TRPM1: variants seen among roughly 807,000 people sequenced by gnomAD.
The protein encoded by TRPM1 is TRPM1-203 APA Isoform, Intron 10.
In TRPM1, 113 loss-of-function variants were observed where a neutral mutation model predicts 149.4. The ratio of observed to expected loss-of-function variants is 0.76; its 90% CI spans 0.65 to 0.88. The LOEUF (loss-of-function observed/expected upper bound fraction) is 0.88. TRPM1 is among the 40% of genes least tolerant of loss of function. The probability of loss-of-function intolerance (pLI) is 0.00; values close to 1 mark genes in which losing one functional copy is unlikely to be tolerated. For synonymous variants in TRPM1, 741 were observed against 759.5 expected (o/e 0.98, Z 0.40); for missense variants, 1,976 against 2,038.7 (o/e 0.97, Z 0.59).
intron 2 of TRPM1, among the ~76,000 whole-genome samples, chr15:31,078,366 G>A (rs903317060): frequency 4.6e-5 from 7 of 152,198 alleles, no homozygotes; most frequent in African/African-American, 1.7e-4. Context: ...CCCAGCCCTA[G>A]TCCCAGCTGT....
chr15:31,031,274 A>C, intron 22 of TRPM1, 117 bp from the exon 23 acceptor site: 1 of 1,139,026 alleles, frequency 8.8e-7, no homozygotes, highest in Non-Finnish European at 1.3e-6. Flanking sequence ...AGGACGAAGA[A>C]AGCCTCTTTC....
chr15:31,113,990 G>A (rs113047069), intron 1 of TRPM1, among the ~76,000 whole-genome samples: 2 of 152,180 alleles, frequency 1.3e-5, no homozygotes, highest in Middle Eastern at 3.4e-3. Context: ...ATTTTACAGA[G>A]TGCTGATTGG....
At chr15:31,096,369 C>A (rs1285727889) in intron 1 of TRPM1, among the ~76,000 whole-genome samples, 2 of 152,172 alleles carry the variant, frequency 1.3e-5, no homozygotes, top group Admixed American at 1.3e-4. Flanking sequence ...AAAGAATAAA[C>A]AAAAACAGGA....
chr15:31,016,469 A>G (rs1459147490), intron 27 of TRPM1, among the ~76,000 whole-genome samples: 1 of 152,194 alleles, frequency 6.6e-6, no homozygotes, highest in African/African-American at 2.4e-5. Context: ...TGTAGATGCT[A>G]TAAATAGCTC....
chr15:31,077,843 G>A (rs990656847), intron 2 of TRPM1, among the ~76,000 whole-genome samples: 1 of 151,972 alleles, frequency 6.6e-6, no homozygotes, highest in Non-Finnish European at 1.5e-5. Flanking sequence ...GTATGTGAGT[G>A]GGTGTGTGCG....
chr15:31,060,295 T>C, intron 11 of TRPM1: 1 of 572,936 alleles, frequency 1.7e-6, no homozygotes, highest in Non-Finnish European at 3.1e-6. Flanking sequence ...AAAAACCCAC[T>C]TTCATCAGCA....
At chr15:31,064,116 G>T (rs1048412983) in intron 7 of TRPM1, among the ~76,000 whole-genome samples, 7 of 152,200 alleles carry the variant, frequency 4.6e-5, no homozygotes, top group African/African-American at 1.7e-4. Context: ...TTTGTAAAAG[G>T]TGAACAATCA....
Position 31,002,794 on chromosome 15 carries a change from T to C in TRPM1, c.3906A>G (p.Glu1302=). The C allele has an allele frequency of 6.2e-7, 1 of 1,614,232 alleles. No homozygotes were observed. Among genetic ancestry groups the C allele is most frequent in the Non-Finnish European group, 8.5e-7 (1 of 1,180,038 alleles). The change falls in exon 28 of 28, where the codon GAA becomes GAG. Residue 1302 remains glutamate (E), a synonymous_variant. Coordinates refer to ENST00000256552, the MANE Select transcript of TRPM1 (RefSeq NM_001252024.2). ...YSLYRYHFNG[E]ELLFEDTSLS... ...GAGATGTATCCTCAAATAATAACTC[T>C]TCTCCGTTAAAATGATATCGATACA...
chr15:31,072,895 C>T (rs749426269), intron 3 of TRPM1, among the ~76,000 whole-genome samples: 1 of 152,008 alleles, frequency 6.6e-6, no homozygotes, highest in Non-Finnish European at 1.5e-5. Context: ...TATTGGATCT[C>T]TTTCCGTATT....
Position 31,042,079 on chromosome 15 carries a change from G to C in TRPM1, c.1959C>G (p.Leu653=). The change falls in exon 17 of 28, where the codon CTC becomes CTG. Residue 653 remains leucine (L), a synonymous_variant. Coordinates refer to ENST00000256552, the MANE Select transcript of TRPM1 (RefSeq NM_001252024.2). ...CCATGCTCTCTTCCCCTCGCTGCCA[G>C]AGGAACACTGCCATTTTCTGGCGTT... is the stretch of plus-strand genomic sequence containing the variant. The part of the protein sequence containing the change: ...LMKRQKMAVF[L]WQRGEESMAK... 1 of 1,614,240 alleles carries C rather than the reference G, an allele frequency of 6.2e-7. No individual in the cohort carries two copies. The highest frequency in any genetic ancestry group is 8.5e-7 in the Non-Finnish European group (1 of 1,180,044).
At chr15:31,018,120 C>T (rs901740189) in intron 27 of TRPM1, among the ~76,000 whole-genome samples, 8 of 151,962 alleles carry the variant, frequency 5.3e-5, no homozygotes, top group African/African-American at 1.7e-4. Context: ...GGTGCGACCT[C>T]GGCTCACTGC....
chr15:31,088,250 C>G (rs1242977947), intron 1 of TRPM1, among the ~76,000 whole-genome samples: 1 of 152,338 alleles, frequency 6.6e-6, no homozygotes, highest in East Asian at 1.9e-4. Context: ...TAAAATGGAC[C>G]AATCAGCAGG....
At chr15:31,068,632 T>C (rs890804645) in intron 4 of TRPM1, among the ~76,000 whole-genome samples, 5 of 150,238 alleles carry the variant, frequency 3.3e-5, no homozygotes, top group African/African-American at 1.2e-4. Context: ...TAATCTCAGC[T>C]ACTTCAGAAG....
chr15:31,089,066 CATTT>C (rs972315845), intron 1 of TRPM1, among the ~76,000 whole-genome samples: 1 of 152,172 alleles, frequency 6.6e-6, no homozygotes, highest in Admixed American at 6.5e-5. Flanking sequence ...GGATAAGTAA[CATTT>C]AATGCCATAT....
At chr15:31,071,978 A>AAATAT (rs1567034341) in intron 3 of TRPM1, among the ~76,000 whole-genome samples, 1 of 62,388 alleles carries the variant, frequency 1.6e-5, no homozygotes, top group Non-Finnish European at 2.9e-5. Context: ...AAAAAAAAAA[A>AAATAT]ACATATATAT....
intron 20 of TRPM1, among the ~76,000 whole-genome samples, chr15:31,036,354 C>T (rs1391859319): frequency 2.6e-5 from 4 of 152,250 alleles, no homozygotes; most frequent in African/African-American, 9.6e-5. Flanking sequence ...CTTCTGGGTC[C>T]CTCACTGGCA....
rs749062439 is a variant in TRPM1 at position 31,158,626 on chromosome 15, C to CAA, written c.54+2278_54+2279dup. Reference sequence around the variant, plus strand: ...TGGGCGACAGAGTGAGACTCCATCTCAAAAAAAAAAAAAAAAAAAAGAGTA... The same window carrying CAA: ...TGGGCGACAGAGTGAGACTCCATCTCAAAAAAAAAAAAAAAAAAAAAAGAGTA... On this transcript the variant is annotated intron_variant, in intron 1 of 26. Transcript: ENST00000542188. Among the ~76,000 whole-genome samples the CAA allele has an allele frequency of 3.1e-3, 183 of 59,564 alleles. 1 individual carries two copies. Among genetic ancestry groups the CAA allele is most frequent in the African/African-American group, 4.2e-3 (63 of 15,070 alleles). 39.1% of individuals were successfully genotyped at this position (59,564 alleles called of 152,430 possible).
intron 8 of TRPM1, 108 bp from the exon 9 acceptor site, chr15:31,062,810 C>G: frequency 7.7e-7 from 1 of 1,306,122 alleles, no homozygotes; most frequent in South Asian, 1.2e-5. Context: ...GGGAGGATAT[C>G]CTGACACAGG....
rs1347637337 is a variant in TRPM1, at chr15:31,002,583, C to T, written c.4117G>A (p.Glu1373Lys). The T allele has an allele frequency of 1.2e-6, 2 of 1,614,028 alleles. No homozygotes were observed. The highest frequency in any genetic ancestry group is 2.7e-5 in the African/African-American group (2 of 74,920). ...CCAATATCTGGACCTAATTTTGACT[C>T]TTCAGCGTTCTTTAAGTCATCTACT... ...LAVDDLKNAEESKLGPDIGIS... is the reference protein window; with the variant it reads ...LAVDDLKNAEKSKLGPDIGIS... Residue 1373 changes from glutamate to lysine, a missense_variant, in exon 28 of 28, where the codon GAG becomes AAG. Glu to Lys is a moderately conservative substitution (Grantham distance 56). Transcript: ENST00000256552.
Sources: allele counts gnomAD v4.1 joint callset (sites outside exome capture counted in the v4.1 genomes callset), GRCh38; gene constraint gnomAD v4.1.1; transcripts MANE v1.5; gene names NCBI Gene and HGNC (gene_info 2026-07-23, HGNC 2026-07-21).